The following CTNNA3 variants were observed in gnomAD, a reference collection of about 807,000 sequenced individuals.
CTNNA3 encodes catenin alpha-3.
CTNNA3 carries 76 observed loss-of-function variants against 95.7 expected under a neutral mutation model. The ratio of observed to expected loss-of-function variants is 0.79; its 90% CI spans 0.66 to 0.96. The LOEUF (loss-of-function observed/expected upper bound fraction) is 0.96. Ranked by LOEUF, CTNNA3 falls within the 40% of genes least tolerant of loss-of-function variation. The pLI is 0.00. For synonymous variants in CTNNA3, 431 were observed against 374.4 expected, an observed-to-expected ratio of 1.15 and a Z score of -1.74; for missense variants, 1,191 against 1,089.8, an observed-to-expected ratio of 1.09 and a Z score of -1.31.
intron 17 of CTNNA3, among the ~76,000 whole-genome samples, chr10:65,940,105 A>G (rs2077406937): frequency 6.6e-6 from 1 of 152,144 alleles, no homozygotes; most frequent in Non-Finnish European, 1.5e-5. Flanking sequence ...AGAACCCAAT[A>G]TTTACCTTAA....
intron 7 of CTNNA3, among the ~76,000 whole-genome samples, chr10:66,972,856 G>A (rs1393004393): frequency 1.3e-5 from 2 of 151,562 alleles, no homozygotes; most frequent in East Asian, 1.9e-4. Context: ...AATTACAGGC[G>A]CCTGCCACCA....
chr10:67,724,959 TAC>T (rs960854156), intron 1 of CTNNA3, among the ~76,000 whole-genome samples: 17 of 152,116 alleles, frequency 1.1e-4, no homozygotes, highest in Non-Finnish European at 2.5e-4. Context: ...TACTTCCTAT[TAC>T]ACAAATTCTT....
intron 3 of CTNNA3, among the ~76,000 whole-genome samples, chr10:67,553,891 T>C (rs907474237): frequency 4.6e-5 from 7 of 152,180 alleles, no homozygotes; most frequent in Non-Finnish European, 1.0e-4. Context: ...GTATATCTCC[T>C]AATGCTATCC....
At chr10:66,859,977 G>T (rs1235014806) in intron 7 of CTNNA3, among the ~76,000 whole-genome samples, 1 of 123,470 alleles carries the variant, frequency 8.1e-6, no homozygotes, top group Non-Finnish European at 1.7e-5. Flanking sequence ...GAGAACACAT[G>T]GACACAGGAA....
rs772686770 is a variant in CTNNA3, at chr10:67,750,569, A to C, written c.-2+12865T>G. On this transcript the variant is annotated intron_variant, in intron 1 of 17. Coordinates refer to the CTNNA3 transcript ENST00000684154. Reference sequence around the variant, plus strand: ...CCTTGTGAGGAAAGCCTTTGAGAAGACCCTCAAGGATCTGAAGCTGAGTTA... The same window carrying C: ...CCTTGTGAGGAAAGCCTTTGAGAAGCCCCTCAAGGATCTGAAGCTGAGTTA... 1.8e-5 allele frequency: 28 copies of C among 1,577,540 alleles called. No homozygotes were observed. In the Admixed American group the frequency reaches 2.0e-4, roughly 11 times the overall value.
chr10:66,829,270 A>G (rs1007021337), intron 7 of CTNNA3, among the ~76,000 whole-genome samples: 3 of 152,202 alleles, frequency 2.0e-5, no homozygotes, highest in Non-Finnish European at 4.4e-5. Context: ...TCTTTCTTTC[A>G]TGTAGGATAT....
At chr10:66,985,860 T>G (rs1243045799) in intron 7 of CTNNA3, among the ~76,000 whole-genome samples, 1 of 152,044 alleles carries the variant, frequency 6.6e-6, no homozygotes, top group Non-Finnish European at 1.5e-5. Flanking sequence ...CCCAAGTAAC[T>G]GGGATTACAG....
intron 7 of CTNNA3, among the ~76,000 whole-genome samples, chr10:67,007,189 T>C (rs990246208): frequency 2.0e-5 from 3 of 152,214 alleles, no homozygotes; most frequent in Admixed American, 1.3e-4. Flanking sequence ...AACCAGATTT[T>C]ACCTTCAAAT....
intron 11 of CTNNA3, among the ~76,000 whole-genome samples, chr10:66,489,574 A>G (rs887623172): frequency 4.6e-5 from 7 of 152,102 alleles, no homozygotes; most frequent in African/African-American, 1.4e-4. Flanking sequence ...GCATGCACAC[A>G]CACACTTGTG....
At chr10:67,039,605 T>C (rs1472514008) in intron 7 of CTNNA3, among the ~76,000 whole-genome samples, 1 of 152,140 alleles carries the variant, frequency 6.6e-6, no homozygotes, top group East Asian at 1.9e-4. Flanking sequence ...CATAGAGAAC[T>C]AATATCTAGA....
intron 13 of CTNNA3, among the ~76,000 whole-genome samples, chr10:66,254,840 T>C (rs903863582): frequency 6.6e-6 from 1 of 152,216 alleles, no homozygotes; most frequent in African/African-American, 2.4e-5. Context: ...TCTCTGCCCT[T>C]GGGGCCGAGA....
At chr10:67,558,837 C>A (rs1029041013) in intron 3 of CTNNA3, among the ~76,000 whole-genome samples, 34 of 152,214 alleles carry the variant, frequency 2.2e-4, no homozygotes, top group African/African-American at 8.0e-4. Flanking sequence ...GAGATTATAT[C>A]CCGCACATGG....
intron 7 of CTNNA3, among the ~76,000 whole-genome samples, chr10:66,924,647 T>G (rs559837630): frequency 6.6e-6 from 1 of 152,348 alleles, no homozygotes; most frequent in South Asian, 2.1e-4. Context: ...CTTTGTGAGT[T>G]AATGAAGGTC....
chr10:66,893,054 T>C lies in CTNNA3; in HGVS notation c.1048-117530A>G, dbSNP rs560735359. ...TGTCTCTTTGAGATGTTACTATACA[T>C]GGTAACAGATGAATCTGCTCTTCTG... On this transcript the variant is annotated intron_variant, in intron 7 of 17. Coordinates refer to ENST00000433211, the MANE Select transcript of CTNNA3 (RefSeq NM_013266.4). Among the ~76,000 whole-genome samples, 16 of 152,238 alleles carry C rather than the reference T, an allele frequency of 1.1e-4. No homozygotes were observed. The South Asian group carries it at 2.7e-3, about 26-fold the overall frequency.
chr10:66,926,643 T>C, intron 7 of CTNNA3: 1 of 1,573,314 alleles, frequency 6.4e-7, no homozygotes, highest in Non-Finnish European at 8.7e-7. Context: ...AAAAAACCTC[T>C]AGTGTGTGTA....
intron 12 of CTNNA3, among the ~76,000 whole-genome samples, chr10:66,344,852 C>T (rs2092490709): frequency 6.6e-6 from 1 of 152,002 alleles, no homozygotes; most frequent in African/African-American, 2.4e-5. Context: ...CTAGAATCCC[C>T]AGTGTATACA....
At chr10:67,074,513 G>T (rs1184733004) in intron 7 of CTNNA3, among the ~76,000 whole-genome samples, 1 of 151,542 alleles carries the variant, frequency 6.6e-6, no homozygotes, top group Admixed American at 6.6e-5. Flanking sequence ...ACCACGCCCG[G>T]CTAATTTTCT....
intron 4 of CTNNA3, among the ~76,000 whole-genome samples, chr10:67,534,395 G>T (rs187523506): frequency 5.3e-5 from 8 of 152,232 alleles, no homozygotes; most frequent in Admixed American, 3.3e-4. Context: ...ATAAGCAGGG[G>T]CCAAGTGGAG....
chr10:66,280,592 C>T lies in CTNNA3; in HGVS notation c.1762G>A (p.Val588Ile), dbSNP rs1589025342. The change falls in exon 13 of 18, where the codon GTT becomes ATT. Residue 588 changes from valine to isoleucine, a missense_variant. By Grantham distance (29) the Val-to-Ile change is conservative (BLOSUM62 3). Coordinates refer to ENST00000433211, the MANE Select transcript of CTNNA3 (RefSeq NM_013266.4). ...VIPEFVTQVN[V>I]ALEALSKSSL... Reference sequence around the variant, plus strand: ...CTTTTGCTTAAGGCTTCCAAGGCAACATTCACTTGTGTTACAAATTCAGGA... The same window carrying T: ...CTTTTGCTTAAGGCTTCCAAGGCAATATTCACTTGTGTTACAAATTCAGGA... The T allele has an allele frequency of 6.2e-6, 10 of 1,607,356 alleles. No individual in the cohort carries two copies. The East Asian group carries it at 2.0e-4, about 32-fold the overall frequency.
Sources: gnomAD v4.1 joint callset for allele counts (sites outside exome capture counted in the v4.1 genomes callset) on GRCh38, gnomAD v4.1.1 for gene constraint, MANE v1.5 for transcripts, NCBI Gene and HGNC (gene_info 2026-07-23, HGNC 2026-07-21) for gene names.